KSR2: variants seen among roughly 807,000 people sequenced by gnomAD.
KSR2 encodes the protein kinase suppressor of ras 2.
KSR2 carries 25 observed loss-of-function variants against 107.8 expected under a neutral mutation model. That is an observed-to-expected ratio of 0.23 (90% confidence interval 0.17 to 0.32). The LOEUF is 0.32. Among genes scored for constraint, KSR2 ranks in the 10% least tolerant of loss-of-function variants. The pLI is 1.00. For synonymous variants in KSR2, 480 were observed against 507.0 expected (o/e 0.95, Z 0.71); for missense variants, 887 against 1,268.9 (o/e 0.70, Z 4.57).
At chr12:117,632,140 T>C (rs940885314) in intron 5 of KSR2, among the ~76,000 whole-genome samples, 3 of 151,686 alleles carry the variant, frequency 2.0e-5, no homozygotes, top group Non-Finnish European at 4.4e-5. Context: ...ACTACATTAT[T>C]CAACAACTTC....
chr12:117,504,502 T>C (rs544549545), intron 14 of KSR2, among the ~76,000 whole-genome samples: 1 of 152,324 alleles, frequency 6.6e-6, no homozygotes, highest in East Asian at 1.9e-4. Context: ...CAAGGTAACC[T>C]TGTCCTCTCA....
intron 3 of KSR2, among the ~76,000 whole-genome samples, chr12:117,788,341 A>G (rs1890145519): frequency 6.6e-6 from 1 of 152,216 alleles, no homozygotes; most frequent in Non-Finnish European, 1.5e-5. Context: ...GGGAGATTGG[A>G]CTAGATCTGT....
At chr12:117,757,683 G>A (rs1888843868) in intron 4 of KSR2, among the ~76,000 whole-genome samples, 1 of 152,186 alleles carries the variant, frequency 6.6e-6, no homozygotes, top group Admixed American at 6.5e-5. Flanking sequence ...CCTTCCACCA[G>A]CAAAGAGTAT....
intron 4 of KSR2, among the ~76,000 whole-genome samples, chr12:117,744,196 C>G (rs1456245874): frequency 6.6e-6 from 1 of 152,120 alleles, no homozygotes; most frequent in Non-Finnish European, 1.5e-5. Flanking sequence ...CACTGGTCAA[C>G]CTCTCTGAGC....
chr12:117,625,105 T>C (rs1377367665), intron 5 of KSR2, among the ~76,000 whole-genome samples: 1 of 152,212 alleles, frequency 6.6e-6, no homozygotes, highest in Non-Finnish European at 1.5e-5. Flanking sequence ...GATTTTGGGC[T>C]GAGGCGATGG....
At chr12:117,938,194 C>A (rs1406229151) in intron 1 of KSR2, among the ~76,000 whole-genome samples, 2 of 152,146 alleles carry the variant, frequency 1.3e-5, no homozygotes, top group African/African-American at 2.4e-5. Context: ...GGCATGTATT[C>A]TGTGTCCCAG....
intron 9 of KSR2, among the ~76,000 whole-genome samples, chr12:117,542,436 TA>T (rs11330994): frequency 0.61 from 92,238 of 151,870 alleles, 28,231 homozygotes; most frequent in Admixed American, 0.71. Flanking sequence ...CAGTTTTCTC[TA>T]CTGATAACAT....
chr12:117,643,822 G>A (rs909404849), intron 5 of KSR2, among the ~76,000 whole-genome samples: 25 of 152,268 alleles, frequency 1.6e-4, no homozygotes, highest in Middle Eastern at 3.4e-3. Flanking sequence ...TTTAGGAACC[G>A]CCAGAGCCTC....
At chr12:117,707,446 AAAGG>A (rs1886572252) in intron 4 of KSR2, among the ~76,000 whole-genome samples, 3 of 152,318 alleles carry the variant, frequency 2.0e-5, no homozygotes, top group Admixed American at 2.0e-4. Flanking sequence ...AATAGAATAA[AAAGG>A]AAGGGTTAGT....
At chr12:117,919,569 T>C (rs1307892011) in intron 1 of KSR2, among the ~76,000 whole-genome samples, 4 of 152,246 alleles carry the variant, frequency 2.6e-5, no homozygotes, top group South Asian at 2.1e-4. Flanking sequence ...AAATAAACTA[T>C]GGAACATCCA....
chr12:117,712,590 C>T (rs1235234265), intron 4 of KSR2, among the ~76,000 whole-genome samples: 1 of 152,146 alleles, frequency 6.6e-6, no homozygotes, highest in Admixed American at 6.5e-5. Flanking sequence ...AGAGTGCTTA[C>T]GAGGAGTAAA....
At chr12:117,717,679 GT>G (rs1887043048) in intron 4 of KSR2, among the ~76,000 whole-genome samples, 1 of 40,606 alleles carries the variant, frequency 2.5e-5, no homozygotes, top group Admixed American at 2.6e-4. Context: ...GTGTGTGTGT[GT>G]GTGTGTGTGT....
At position 117,799,798 on chromosome 12, in the gene KSR2, C is replaced by T. The variant is rs1334128681; in HGVS notation, c.473-38274G>A. 2.6e-5 allele frequency among the ~76,000 whole-genome samples: 4 copies of T among 152,098 alleles called. No homozygotes were observed. The East Asian group carries it at 5.8e-4, about 22-fold the overall frequency. ...CATAATGGATGCAAACCACAGTCCC[C>T]GGCTCTTAGTGTTGAATAAATAGTG... On this transcript the variant is annotated intron_variant, in intron 3 of 19. Transcript: ENST00000339824.
chr12:117,816,281 T>G (rs971614011), intron 3 of KSR2, among the ~76,000 whole-genome samples: 1 of 151,766 alleles, frequency 6.6e-6, no homozygotes, highest in Non-Finnish European at 1.5e-5. Context: ...CCACCTGGAG[T>G]TCTGCAGACG....
At chr12:117,732,286 A>AT (rs1887758321) in intron 4 of KSR2, among the ~76,000 whole-genome samples, 1 of 149,806 alleles carries the variant, frequency 6.7e-6, no homozygotes, top group Non-Finnish European at 1.5e-5. Context: ...TGCTTCCTGA[A>AT]TTTTTTTCTT....
chr12:117,734,664 G>T (rs1469193930), intron 4 of KSR2, among the ~76,000 whole-genome samples: 1 of 152,120 alleles, frequency 6.6e-6, no homozygotes, highest in Non-Finnish European at 1.5e-5. Context: ...AGGGTCATTT[G>T]CTCACCAGAG....
chr12:117,484,124 T>TA (rs1306466987), intron 16 of KSR2, among the ~76,000 whole-genome samples: 1 of 152,232 alleles, frequency 6.6e-6, no homozygotes, highest in Non-Finnish European at 1.5e-5. Context: ...TACTTAGGGT[T>TA]AGAGGAGAGT....
chr12:117,709,013 C>CT (rs994746868), intron 4 of KSR2, among the ~76,000 whole-genome samples: 54 of 152,132 alleles, frequency 3.5e-4, no homozygotes, highest in African/African-American at 1.2e-3. Context: ...ATCACATCTC[C>CT]TTTTTTCTAA....
At position 117,758,665 on chromosome 12, in the gene KSR2, G is replaced by A. The variant is rs116849722; in HGVS notation, c.986+2346C>T. Among the ~76,000 whole-genome samples, 74 of 152,342 alleles carry A rather than the reference G, an allele frequency of 4.9e-4. 1 individual carries two copies. The East Asian group carries it at 0.014, about 29-fold the overall frequency. ...AGTCAATTTGGAAGGCCTTGAAGAA[G>A]TGGGCCATTCAACCCTATCCAGGCA... On this transcript the variant is annotated intron_variant, in intron 4 of 19. Coordinates refer to ENST00000339824, the MANE Select transcript of KSR2 (RefSeq NM_173598.6).
Sources: allele counts gnomAD v4.1 joint callset (sites outside exome capture counted in the v4.1 genomes callset), GRCh38; gene constraint gnomAD v4.1.1; transcripts MANE v1.5; gene names NCBI Gene and HGNC (gene_info 2026-07-23, HGNC 2026-07-21).